Variants in DNAH14 observed in about 807,000 individuals in gnomAD.
DNAH14 encodes the protein axonemal beta dynein heavy chain 14.
In DNAH14, 478 loss-of-function variants were observed where a neutral mutation model predicts 520.9. The ratio of observed to expected loss-of-function variants is 0.92; its 90% CI spans 0.85 to 0.99. The LOEUF (loss-of-function observed/expected upper bound fraction) is 0.99. DNAH14 is among the 50% of genes least tolerant of loss of function. The pLI is 0.00. For missense variants in DNAH14, 4,831 were observed against 5,234.5 expected (o/e 0.92, Z 2.38); for synonymous variants, 1,581 against 1,757.2 (o/e 0.90, Z 2.51).
chr1:225,324,845 G>C lies in DNAH14; in HGVS notation c.9723+13G>C. 6.5e-7 allele frequency: 1 copy of C among 1,544,514 alleles called. No individual in the cohort carries two copies. Among genetic ancestry groups the C allele is most frequent in the Non-Finnish European group, 8.8e-7 (1 of 1,141,138 alleles). On this transcript the variant is annotated intron_variant, in intron 64 of 85. Transcript: ENST00000682510. ...AGGTTTACAGCTGGTAAGAAATACA[G>C]TTCAGTTCTCAAAATAAGACAAAAC...
rs1351145757 is a variant in DNAH14, at chr1:225,085,773, A to G, written c.3557A>G (p.His1186Arg). 1 of 1,546,396 alleles carries G rather than the reference A, an allele frequency of 6.5e-7. No individual in the cohort carries two copies. Among genetic ancestry groups the G allele is most frequent in the Non-Finnish European group, 8.7e-7 (1 of 1,145,506 alleles). The stretch of plus-strand genomic sequence containing the variant: ...CTTGCAACAATTAAAGGATCTCCCC[A>G]CATTGGGCCCATTAAGGTAAGTATT... ...VILATIKGSP[H>R]IGPIKDLVNE... Residue 1186 changes from histidine to arginine, a missense_variant, in exon 21 of 86, where the codon CAC (histidine) becomes CGC (arginine). By Grantham distance (29) the His-to-Arg change is conservative. Transcript: ENST00000682510.
chr1:224,999,187 G>T lies in DNAH14; in HGVS notation c.831-3596G>T, dbSNP rs868791235. On this transcript the variant is annotated intron_variant, in intron 8 of 85. Coordinates refer to ENST00000682510, the MANE Select transcript of DNAH14 (RefSeq NM_001367479.1). ...ACAGACAGCATATAGTTGTGCCATG[G>T]ATTTTTTTGTTTGTTTTTTTGTTTT... Among the ~76,000 whole-genome samples the T allele has an allele frequency of 4.0e-5, 6 of 151,838 alleles. 1 individual carries two copies. The highest frequency in any genetic ancestry group is 6.6e-5 in the Admixed American group (1 of 15,214).
intron 76 of DNAH14, among the ~76,000 whole-genome samples, chr1:225,366,778 AG>A (rs1320498456): frequency 6.6e-6 from 1 of 150,948 alleles, no homozygotes; most frequent in East Asian, 1.9e-4. Flanking sequence ...CTTACACTCC[AG>A]GGGTTGTAAA....
At chr1:225,120,873 A>G (rs1314815130) in intron 26 of DNAH14, among the ~76,000 whole-genome samples, 2 of 152,232 alleles carry the variant, frequency 1.3e-5, no homozygotes, top group African/African-American at 4.8e-5. Flanking sequence ...TCATTTGCTA[A>G]CAATGATAGT....
chr1:225,330,914 C>T (rs572223090), intron 64 of DNAH14, among the ~76,000 whole-genome samples: 1 of 151,726 alleles, frequency 6.6e-6, no homozygotes, highest in Non-Finnish European at 1.5e-5. Context: ...TCATGTGCCC[C>T]CTAAATATAT....
chr1:225,200,408 GT>G (rs2086672913), intron 38 of DNAH14, among the ~76,000 whole-genome samples: 1 of 151,732 alleles, frequency 6.6e-6, no homozygotes. Flanking sequence ...CATTTTTTTG[GT>G]TTTTTTAATT....
At chr1:225,045,095 A>T (rs1221457683) in intron 15 of DNAH14, among the ~76,000 whole-genome samples, 1 of 151,976 alleles carries the variant, frequency 6.6e-6, no homozygotes, top group East Asian at 1.9e-4. Flanking sequence ...TTCTATGTTG[A>T]TCTTTCTTAA....
rs12081149 is a variant in DNAH14 at position 225,078,869 on chromosome 1, T to C, written c.2425-338T>C. Among the ~76,000 whole-genome samples the C allele has an allele frequency of 9.4e-3, 121 of 12,932 alleles. 4 individuals are homozygous for C. The highest frequency in any genetic ancestry group is 0.013 in the African/African-American group (42 of 3,142). The allele number at this position is 12,932 out of a possible 152,430, so 8.5% of individuals were successfully genotyped here. A position where few individuals can be genotyped will look rare whatever the true frequency, so the allele number is the denominator to read the frequency against. On this transcript the variant is annotated intron_variant, in intron 17 of 85. Transcript: ENST00000682510. ...CTCTCTCTCTCTCTCCCTCTCTCTCTCTCTCTCTCTCTCTCTCTCTCTCTC... is the reference window on the plus strand; with the variant it reads ...CTCTCTCTCTCTCTCCCTCTCTCTCCCTCTCTCTCTCTCTCTCTCTCTCTC...
At chr1:225,181,143 A>G (rs1381822921) in intron 36 of DNAH14, among the ~76,000 whole-genome samples, 1 of 152,206 alleles carries the variant, frequency 6.6e-6, no homozygotes, top group Non-Finnish European at 1.5e-5. Flanking sequence ...CCATGTTGCT[A>G]TAAAGGACCT....
Position 225,273,380 on chromosome 1 carries a change from G to A in DNAH14, c.8010+255G>A, listed in dbSNP as rs981156486. ...CGGGAGGCGGAGCTTGCAGTGAGCC[G>A]ATGAGCCGAGATCGCACCAGTGCAG... On this transcript the variant is annotated intron_variant, in intron 52 of 85. Transcript: ENST00000682510. Among the ~76,000 whole-genome samples, 8 of 152,214 alleles carry A rather than the reference G, an allele frequency of 5.3e-5. 1 individual carries two copies. In the East Asian group the frequency reaches 7.7e-4, roughly 15 times the overall value.
At position 225,085,577 on chromosome 1, in the gene DNAH14, T is replaced by A; in HGVS notation, c.3361T>A (p.Ser1121Thr). The change falls in exon 21 of 86, where the codon TCA (serine) becomes ACA (threonine). Residue 1121 changes from serine (S) to threonine (T), a missense_variant. By Grantham distance (58) the Ser-to-Thr change is moderately conservative. Coordinates refer to ENST00000682510, the MANE Select transcript of DNAH14 (RefSeq NM_001367479.1). ...FQYENEINDM[S>T]TSATNEAALE... ...GTATGAAAATGAAATAAATGATATG[T>A]CAACCTCAGCAACTAATGAAGCTGC... 1 of 1,548,896 alleles carries A rather than the reference T, an allele frequency of 6.5e-7. No individual in the cohort carries two copies. The highest frequency in any genetic ancestry group is 8.7e-7 in the Non-Finnish European group (1 of 1,144,610).
chr1:225,030,618 T>G (rs1184699802), intron 11 of DNAH14, among the ~76,000 whole-genome samples: 2 of 151,880 alleles, frequency 1.3e-5, no homozygotes, highest in African/African-American at 4.8e-5. Context: ...CTCCAGTAGT[T>G]TGTTGAAAAG....
At chr1:224,969,216 G>A (rs1369006128) in intron 7 of DNAH14, 1 of 196,200 alleles carries the variant, frequency 5.1e-6, no homozygotes, top group Non-Finnish European at 1.0e-5. Flanking sequence ...CTTAATTTTA[G>A]TCTCTTTGGA....
chr1:225,272,096 T>C (rs1189417317), intron 51 of DNAH14, 23 bp downstream of exon 51: 2 of 1,531,748 alleles, frequency 1.3e-6, no homozygotes, highest in South Asian at 2.4e-5. Context: ...GTTCATTCTC[T>C]AGTTTATTTT....
chr1:225,005,009 A>T (rs1159123620), intron 9 of DNAH14, among the ~76,000 whole-genome samples: 2 of 152,106 alleles, frequency 1.3e-5, no homozygotes, highest in African/African-American at 4.8e-5. Flanking sequence ...AGTGGATGGA[A>T]TATTATGTTT....
intron 73 of DNAH14, among the ~76,000 whole-genome samples, chr1:225,354,431 TG>T (rs967420828): frequency 4.6e-5 from 7 of 152,136 alleles, no homozygotes; most frequent in African/African-American, 1.7e-4. Flanking sequence ...GGGTAGAGGT[TG>T]GTGGATTATG....
At chr1:225,146,749 T>C (rs529217067) in intron 30 of DNAH14, among the ~76,000 whole-genome samples, 1 of 152,326 alleles carries the variant, frequency 6.6e-6, no homozygotes, top group East Asian at 1.9e-4. Context: ...CAGAAAGTTG[T>C]CCTGAAGACT....
intron 10 of DNAH14, among the ~76,000 whole-genome samples, chr1:225,022,666 C>T (rs1040024786): frequency 3.3e-5 from 5 of 152,148 alleles, no homozygotes; most frequent in African/African-American, 9.6e-5. Context: ...AGTTCAGCCA[C>T]TTTGGAAAGC....
intron 67 of DNAH14, 92 bp downstream of exon 67, chr1:225,337,588 A>C: frequency 1.0e-6 from 1 of 960,488 alleles, no homozygotes; most frequent in Non-Finnish European, 1.6e-6. Context: ...GTGACAGATA[A>C]CTGTCAGGGA....
Sources: gnomAD v4.1 joint callset for allele counts (sites outside exome capture counted in the v4.1 genomes callset) on GRCh38, gnomAD v4.1.1 for gene constraint, MANE v1.5 for transcripts, NCBI Gene and HGNC (gene_info 2026-07-23, HGNC 2026-07-21) for gene names.